The following KLHL6 variants were observed in gnomAD, a reference collection of about 807,000 sequenced individuals.
KLHL6 encodes kelch-like protein 6.
KLHL6 carries 41 observed loss-of-function variants against 58.6 expected under a neutral mutation model. The ratio of observed to expected loss-of-function variants is 0.70; its 90% confidence interval spans 0.55 to 0.91. The LOEUF (loss-of-function observed/expected upper bound fraction) is 0.91. KLHL6 is among the 40% of genes least tolerant of loss of function. The pLI, the probability that KLHL6 is intolerant of heterozygous loss-of-function variation, is 0.00. For synonymous variants in KLHL6, 338 were observed against 322.7 expected (o/e 1.05, Z -0.51); for missense variants, 714 against 805.6 (o/e 0.89, Z 1.38).
At chr3:183,535,381 C>T (rs1424153471) in intron 1 of KLHL6, among the ~76,000 whole-genome samples, 1 of 152,156 alleles carries the variant, frequency 6.6e-6, no homozygotes, top group Non-Finnish European at 1.5e-5. Flanking sequence ...GTTGGGGTCA[C>T]CCAGACCTAC....
At chr3:183,536,139 C>T (rs1302899998) in intron 1 of KLHL6, among the ~76,000 whole-genome samples, 3 of 152,092 alleles carry the variant, frequency 2.0e-5, no homozygotes, top group South Asian at 2.1e-4. Context: ...CATGTCTGAC[C>T]GGGCATCTGG....
intron 3 of KLHL6, among the ~76,000 whole-genome samples, chr3:183,504,061 G>T (rs1050479249): frequency 6.6e-6 from 1 of 152,130 alleles, no homozygotes; most frequent in Non-Finnish European, 1.5e-5. Flanking sequence ...CCTTGAGAAG[G>T]ATTTGGGAAA....
rs1024397950 is a variant in KLHL6, at chr3:183,504,887, C to T, written c.909+3172G>A. ...TCTACCCTCAAGTAGGCCCTGGTAT[C>T]TTTTGTTCCCTTCTTTGTGTTCATG... On this transcript the variant is annotated intron_variant, in intron 3 of 6. Transcript: ENST00000341319. Among the ~76,000 whole-genome samples, 38 of 152,146 alleles carry T rather than the reference C, an allele frequency of 2.5e-4. 1 individual carries two copies. The highest frequency in any genetic ancestry group is 2.5e-3 in the Admixed American group (38 of 15,284).
At chr3:183,495,579 C>CAA (rs11459693) in intron 4 of KLHL6, among the ~76,000 whole-genome samples, 17,468 of 142,552 alleles carry the variant, frequency 0.12, 1,207 homozygotes, top group African/African-American at 0.19. Flanking sequence ...TATTTTAGGA[C>CAA]AAAAAAAAAA....
At chr3:183,540,348 A>G (rs1219272392) in intron 1 of KLHL6, among the ~76,000 whole-genome samples, 1 of 152,196 alleles carries the variant, frequency 6.6e-6, no homozygotes, top group African/African-American at 2.4e-5. Flanking sequence ...AGAGAAACTG[A>G]GTCATGGTAA....
chr3:183,547,285 A>T (rs1484534776), intron 1 of KLHL6, among the ~76,000 whole-genome samples: 1 of 152,210 alleles, frequency 6.6e-6, no homozygotes, highest in Non-Finnish European at 1.5e-5. Flanking sequence ...GCATTAGACT[A>T]AAGAGCGCTG....
Position 183,499,708 on chromosome 3 carries a change from CA to C in KLHL6, c.1028del (p.Leu343ArgfsTer13), listed in dbSNP as rs1717818093. On this transcript the variant is annotated frameshift_variant, in exon 4 of 7. Transcript: ENST00000341319. LOFTEE classifies it high-confidence loss of function. This position sits in a 1 kb window ranked among gnomAD's most constrained non-coding sequence, Gnocchi z 4.6. The stretch of plus-strand genomic sequence containing the variant: ...TGGCCACCTCCAGGCGGCTGCGCCT[CA>C]GGGGGTCCAGGCAGGTCACCTCTGC... ...FVAEVTCLDP[L>X]RRSRLEVAKL... is the part of the protein sequence containing the mutation. 2 of 1,611,120 alleles carry C rather than the reference CA, an allele frequency of 1.2e-6. No individual in the cohort carries two copies. Among genetic ancestry groups the C allele is most frequent in the Non-Finnish European group, 1.7e-6 (2 of 1,178,888 alleles).
intron 2 of KLHL6, among the ~76,000 whole-genome samples, chr3:183,518,137 T>C (rs1711623261): frequency 6.6e-6 from 1 of 152,214 alleles, no homozygotes; most frequent in South Asian, 2.1e-4. Flanking sequence ...TGGAGGCTCA[T>C]TGAGAATCTT....
intron 1 of KLHL6, among the ~76,000 whole-genome samples, chr3:183,534,320 G>C (rs1480097619): frequency 6.6e-6 from 1 of 151,970 alleles, no homozygotes; most frequent in Non-Finnish European, 1.5e-5. Context: ...CCCTTTGTTG[G>C]AGTGTCCAGA....
At chr3:183,518,128 G>A (rs1711622787) in intron 2 of KLHL6, among the ~76,000 whole-genome samples, 1 of 152,156 alleles carries the variant, frequency 6.6e-6, no homozygotes, top group African/African-American at 2.4e-5. Context: ...CCAATGGCCT[G>A]GAGGCTCATT....
chr3:183,548,694 T>A (rs938869550), intron 1 of KLHL6: 1 of 152,238 alleles, frequency 6.6e-6, no homozygotes, highest in Non-Finnish European at 1.5e-5. Flanking sequence ...TTAAGCCACA[T>A]GTAGATGTTG....
rs114045405 is a variant in KLHL6, at chr3:183,495,630, C to A, written c.1148-1349G>T. Among the ~76,000 whole-genome samples the A allele has an allele frequency of 5.2e-3, 789 of 150,850 alleles. 10 individuals are homozygous for A. Among genetic ancestry groups the A allele is most frequent in the African/African-American group, 0.018 (753 of 41,096 alleles). On this transcript the variant is annotated intron_variant, in intron 4 of 6. Coordinates refer to ENST00000341319, the MANE Select transcript of KLHL6 (RefSeq NM_130446.4). ...TATTGTGTGCATAAATCAGAAGACA[C>A]CTTATTGTGAAGATGTCAACCCTCC...
chr3:183,540,584 T>A (rs1164456312), intron 1 of KLHL6, among the ~76,000 whole-genome samples: 1 of 152,142 alleles, frequency 6.6e-6, no homozygotes, highest in African/African-American at 2.4e-5. Flanking sequence ...CTTGTTGGTT[T>A]GTTTTGAGAC....
intron 2 of KLHL6, among the ~76,000 whole-genome samples, chr3:183,526,790 C>T (rs1711986757): frequency 6.6e-6 from 1 of 152,026 alleles, no homozygotes; most frequent in African/African-American, 2.4e-5. Flanking sequence ...ATAATTTATG[C>T]CAAGTGATTC....
intron 2 of KLHL6, among the ~76,000 whole-genome samples, chr3:183,517,110 T>C (rs1008607831): frequency 1.3e-5 from 2 of 152,094 alleles, no homozygotes; most frequent in Non-Finnish European, 2.9e-5. Flanking sequence ...CACAGGGTTT[T>C]GCCATGTTGG....
chr3:183,508,931 G>T (rs534625343), intron 2 of KLHL6, among the ~76,000 whole-genome samples: 1 of 152,338 alleles, frequency 6.6e-6, no homozygotes, highest in African/African-American at 2.4e-5. Context: ...TTTAAAATCT[G>T]TTCATTGGAT....
chr3:183,545,489 G>A (rs1712687925), intron 1 of KLHL6, among the ~76,000 whole-genome samples: 1 of 152,182 alleles, frequency 6.6e-6, no homozygotes, highest in Non-Finnish European at 1.5e-5. Flanking sequence ...TTAGTTGGGA[G>A]CTGCATGGAA....
In KLHL6 at chr3:183,521,692, ATTTT is replaced by A. The variant is rs10556149; in HGVS notation, c.459+6149_459+6152del. 7.5e-3 allele frequency: 974 copies of A among 130,532 alleles called. 8 individuals carry two copies. Among genetic ancestry groups the A allele is most frequent in the African/African-American group, 0.023 (806 of 35,138 alleles). The allele number at this position is 130,532 out of a possible 1,614,324, so 8.1% of individuals were successfully genotyped here. A position where few individuals can be genotyped will look rare whatever the true frequency, so the allele number is the denominator to read the frequency against. On this transcript the variant is annotated intron_variant, in intron 2 of 6. Coordinates refer to ENST00000341319, the MANE Select transcript of KLHL6 (RefSeq NM_130446.4). ...CATTGAGGGTAAAAAGACCTACCTG[ATTTT>A]TTTTTTTTTTTTTTTGAGATGGAGT...
rs1396646516 is a variant in KLHL6, at chr3:183,499,242, AG to A, written c.1147+347del. 2.0e-5 allele frequency among the ~76,000 whole-genome samples: 3 copies of A among 152,014 alleles called. No homozygotes were observed. The highest frequency in any genetic ancestry group is 7.2e-5 in the African/African-American group (3 of 41,382). On this transcript the variant is annotated intron_variant, in intron 4 of 6. Coordinates refer to ENST00000341319, the MANE Select transcript of KLHL6 (RefSeq NM_130446.4). This position sits in a 1 kb window ranked among gnomAD's most constrained non-coding sequence, Gnocchi z 4.6. ...CTGATTGTAATCCCAGCTACTCGGG[AG>A]GGTGAGGCAGGAGGGTCACTTGAAC...
Sources: gnomAD v4.1 joint callset for allele counts (sites outside exome capture counted in the v4.1 genomes callset) on GRCh38, gnomAD v4.1.1 for gene constraint, Gnocchi (gnomAD v3.1) non-coding constraint, MANE v1.5 for transcripts, NCBI Gene and HGNC (gene_info 2026-07-23, HGNC 2026-07-21) for gene names.